The following ANKRD28 variants were observed in gnomAD, a reference collection of about 807,000 sequenced individuals.
ANKRD28 encodes the protein ankyrin repeat domain 28.
Under a neutral mutation model 126.5 loss-of-function variants are expected in ANKRD28, and 44 were observed. That is an observed-to-expected ratio of 0.35 (90% CI 0.27 to 0.45). ANKRD28 has a LOEUF of 0.45. ANKRD28 is among the 20% of genes least tolerant of loss of function. ANKRD28 has a pLI of 1.00. For synonymous variants in ANKRD28, 442 were observed against 468.5 expected (o/e 0.94, Z 0.73); for missense variants, 1,110 against 1,316.6 (o/e 0.84, Z 2.43).
intron 27 of ANKRD28, among the ~76,000 whole-genome samples, chr3:15,675,617 G>C (rs2470538): frequency 0.46 from 70,651 of 151,986 alleles, 19,332 homozygotes; most frequent in Non-Finnish European, 0.6. Flanking sequence ...CATATTTGCT[G>C]AAAGAACAAA....
chr3:15,670,508 C>G lies in ANKRD28; in HGVS notation c.3014G>C (p.Cys1005Ser). ...CATGGTGGCCAAAATGAGAGCCAGG[C>G]AATCAGCCACATCCTTATTGGGAGC... ...ACAPNKDVAD[C>S]LALILATMMP... The change falls in exon 28 of 28, where the codon TGC becomes TCC. Residue 1005 changes from cysteine to serine, a missense_variant. Cys to Ser is a moderately radical substitution (Grantham distance 112, BLOSUM62 -1). Coordinates refer to ENST00000683139, the MANE Select transcript of ANKRD28 (RefSeq NM_001349278.2). 1.9e-6 allele frequency: 3 copies of G among 1,613,902 alleles called. No homozygotes were observed. Among genetic ancestry groups the G allele is most frequent in the Non-Finnish European group, 2.5e-6 (3 of 1,179,846 alleles).
intron 1 of ANKRD28, among the ~76,000 whole-genome samples, chr3:15,858,963 C>T (rs1306921341): frequency 6.6e-6 from 1 of 152,226 alleles, no homozygotes; most frequent in Non-Finnish European, 1.5e-5. Context: ...GTCCCTCGCA[C>T]TACCCAGCCA....
Position 15,685,975 on chromosome 3 carries a change from G to A in ANKRD28, c.2169+27C>T, listed in dbSNP as rs766862444. On this transcript the variant is annotated intron_variant, in intron 20 of 27. Coordinates refer to ENST00000683139, the MANE Select transcript of ANKRD28 (RefSeq NM_001349278.2). Reference sequence around the variant, plus strand: ...TAATATGAGGTCATAAAAGCTTTTTGAAAGGAAAGAGCATATTTCTGCTTA... The same window carrying A: ...TAATATGAGGTCATAAAAGCTTTTTAAAAGGAAAGAGCATATTTCTGCTTA... 2.5e-6 allele frequency: 4 copies of A among 1,581,044 alleles called. No individual in the cohort carries two copies. In the South Asian group the frequency reaches 4.5e-5, roughly 18 times the overall value.
chr3:15,859,189 C>T (rs1246471859), intron 1 of ANKRD28, among the ~76,000 whole-genome samples: 1 of 152,224 alleles, frequency 6.6e-6, no homozygotes, highest in East Asian at 1.9e-4. Context: ...ACCCAGGCCC[C>T]GGCAGCTCTG....
In ANKRD28 at chr3:15,832,761, A is replaced by T. The variant is rs559088903; in HGVS notation, c.27+26616T>A. ...AGGATAATGGGCTCCAATTCCATCC[A>T]TGTTTGCTGCAAAAGACATGATTTC... On this transcript the variant is annotated intron_variant, in intron 1 of 27. Transcript: ENST00000399451. 5.9e-5 allele frequency among the ~76,000 whole-genome samples: 9 copies of T among 152,308 alleles called. No homozygotes were observed. The East Asian group carries it at 1.7e-3, about 29-fold the overall frequency.
rs911663430 is a variant in ANKRD28 at position 15,812,560 on chromosome 3, A to G, written c.28-17254T>C. 1.3e-5 allele frequency among the ~76,000 whole-genome samples: 2 copies of G among 152,162 alleles called. No individual in the cohort carries two copies. The highest frequency in any genetic ancestry group is 4.8e-5 in the African/African-American group (2 of 41,434). ...TATTTGTTACCATTTTCTTAATCAA[A>G]TTTTACTATATTAAGTTGGCATTTC... On this transcript the variant is annotated intron_variant, in intron 1 of 27. Coordinates refer to the ANKRD28 transcript ENST00000399451. This position sits in a 1 kb window ranked among gnomAD's most constrained non-coding sequence, Gnocchi z 4.1.
At chr3:15,724,281 T>C (rs2074000233) in intron 7 of ANKRD28, 101 bp downstream of exon 7, 12 of 1,012,242 alleles carry the variant, frequency 1.2e-5, no homozygotes, top group South Asian at 2.0e-5. Flanking sequence ...CATGAAAACA[T>C]TGTATAAAAT....
At chr3:15,823,547 C>CTAGG (rs1264541393) in intron 1 of ANKRD28, among the ~76,000 whole-genome samples, 3 of 152,128 alleles carry the variant, frequency 2.0e-5, no homozygotes, top group Non-Finnish European at 1.5e-5. Flanking sequence ...ACAAATAGCG[C>CTAGG]TAGGACAACT....
rs971149772 is a variant in ANKRD28 at position 15,796,795 on chromosome 3, A to G, written c.-274T>C. 6.1e-6 allele frequency: 6 copies of G among 991,624 alleles called. No homozygotes were observed. The African/African-American group carries it at 7.0e-5, about 12-fold the overall frequency. The allele number at this position is 991,624 out of a possible 1,614,324, so 61.4% of individuals were successfully genotyped here. On this transcript the variant is annotated 5_prime_UTR_variant, in exon 1 of 28. Coordinates refer to ENST00000683139, the MANE Select transcript of ANKRD28 (RefSeq NM_001349278.2). ...GAAGAAATTTCACACCAACATGTCA[A>G]TAACTAAAACTGAGTCCAAGCTCAT...
At position 15,676,964 on chromosome 3, in the gene ANKRD28, C is replaced by G; in HGVS notation, c.2873+10G>C. On this transcript the variant is annotated intron_variant, in intron 26 of 27. Coordinates refer to ENST00000683139, the MANE Select transcript of ANKRD28 (RefSeq NM_001349278.2). ...TCACAAAGTTTATACTAGATACTGACAGTACTCACGTTTGCAAGGCTGCGT... is the reference window on the plus strand; with the variant it reads ...TCACAAAGTTTATACTAGATACTGAGAGTACTCACGTTTGCAAGGCTGCGT... 2 of 1,606,466 alleles carry G rather than the reference C, an allele frequency of 1.2e-6. No individual in the cohort carries two copies. The highest frequency in any genetic ancestry group is 1.1e-5 in the South Asian group (1 of 90,856).
chr3:15,685,959 G>T, intron 20 of ANKRD28, 43 bp downstream of exon 20: 2 of 1,475,482 alleles, frequency 1.4e-6, no homozygotes, highest in Non-Finnish European at 1.9e-6. Flanking sequence ...GTAATATGAG[G>T]TCATAAAAGC....
At chr3:15,790,928 G>A (rs560901549) in intron 2 of ANKRD28, among the ~76,000 whole-genome samples, 2 of 152,190 alleles carry the variant, frequency 1.3e-5, no homozygotes, top group South Asian at 4.1e-4. Flanking sequence ...GATAAATTCA[G>A]TAAAGTTCCA....
In ANKRD28 at chr3:15,797,072, G is replaced by A; in HGVS notation, c.-551C>T. ...ACTATTCTGTTTCCACTTCTAATTTGTCTTCATTTCTTCATCACTGGTTTA... is the reference window on the plus strand; with the variant it reads ...ACTATTCTGTTTCCACTTCTAATTTATCTTCATTTCTTCATCACTGGTTTA... On this transcript the variant is annotated 5_prime_UTR_variant, in exon 1 of 28. Transcript: ENST00000683139. 2.0e-6 allele frequency: 2 copies of A among 985,032 alleles called. No homozygotes were observed. Among genetic ancestry groups the A allele is most frequent in the Non-Finnish European group, 2.4e-6 (2 of 829,828 alleles). The allele number at this position is 985,032 out of a possible 1,614,324, so 61.0% of individuals were successfully genotyped here.
At chr3:15,740,564 A>G (rs2075381106) in intron 4 of ANKRD28, among the ~76,000 whole-genome samples, 2 of 152,188 alleles carry the variant, frequency 1.3e-5, no homozygotes, top group Non-Finnish European at 2.9e-5. Context: ...TATAATAAAT[A>G]ATTTAAAATA....
chr3:15,703,761 A>G (rs1033703765), intron 14 of ANKRD28, among the ~76,000 whole-genome samples: 1 of 152,248 alleles, frequency 6.6e-6, no homozygotes, highest in Admixed American at 6.5e-5. Flanking sequence ...AGGTTTTGGA[A>G]CTGGGTAATG....
At chr3:15,755,003 C>A (rs1016505248) in intron 3 of ANKRD28, among the ~76,000 whole-genome samples, 5 of 151,910 alleles carry the variant, frequency 3.3e-5, no homozygotes, top group Non-Finnish European at 7.4e-5. Context: ...CGCCTGCAAT[C>A]CAAGCTTCCA....
intron 6 of ANKRD28, among the ~76,000 whole-genome samples, chr3:15,726,732 C>A (rs968869487): frequency 6.6e-6 from 1 of 152,206 alleles, no homozygotes; most frequent in Non-Finnish European, 1.5e-5. Flanking sequence ...GATGAAACGG[C>A]CTTCTATTGG....
rs191890261 is a variant in ANKRD28, at chr3:15,670,188, T to C, written c.*82A>G. The C allele has an allele frequency of 2.3e-3, 3,322 of 1,451,286 alleles. 20 individuals are homozygous for C. The highest frequency in any genetic ancestry group is 1.8e-3 in the Non-Finnish European group (1,908 of 1,072,312). 89.9% of individuals were successfully genotyped at this position (1,451,286 alleles called of 1,614,324 possible). On this transcript the variant is annotated 3_prime_UTR_variant, in exon 28 of 28. Coordinates refer to ENST00000683139, the MANE Select transcript of ANKRD28 (RefSeq NM_001349278.2). ...GGGATCTTTCCTCTTAGGTTGAATT[T>C]CTACGTGAATATCAAAGTGCCTTTT...
At chr3:15,702,273 TG>T (rs1225036895) in intron 14 of ANKRD28, among the ~76,000 whole-genome samples, 1 of 152,180 alleles carries the variant, frequency 6.6e-6, no homozygotes, top group Non-Finnish European at 1.5e-5. Flanking sequence ...TCACTTACAG[TG>T]GTAAGTTAAC....
Sources: allele counts gnomAD v4.1 joint callset (sites outside exome capture counted in the v4.1 genomes callset), GRCh38; gene constraint gnomAD v4.1.1; non-coding constraint Gnocchi (gnomAD v3.1); transcripts MANE v1.5; gene names NCBI Gene and HGNC (gene_info 2026-07-23, HGNC 2026-07-21).